Variants in KCNH7 observed in about 807,000 individuals in gnomAD.
The protein encoded by KCNH7 is potassium voltage-gated channel subfamily H member 7.
KCNH7 carries 49 observed loss-of-function variants against 120.8 expected under a neutral mutation model. That is an observed-to-expected ratio of 0.41 (90% CI 0.32 to 0.51). The LOEUF is 0.51. KCNH7 is among the 20% of genes least tolerant of loss of function. The pLI, the probability that KCNH7 is intolerant of heterozygous loss-of-function variation, is 0.38. For missense variants in KCNH7, 1,097 were observed against 1,446.6 expected (o/e 0.76, Z 3.92); for synonymous variants, 547 against 516.1 (o/e 1.06, Z -0.81).
rs1366156120 is a variant in KCNH7 at position 162,822,535 on chromosome 2, CTA to C, written c.307+14000_307+14001del. On this transcript the variant is annotated intron_variant, in intron 2 of 15. Transcript: ENST00000332142. ...AGTGTTCACAATATGAAACATTAGA[CTA>C]TGCTCCCTCCTTATCATCCCTTTCA... Among the ~76,000 whole-genome samples, 21 of 152,234 alleles carry C rather than the reference CTA, an allele frequency of 1.4e-4. No individual in the cohort carries two copies. The East Asian group carries it at 2.3e-3, about 17-fold the overall frequency.
At chr2:162,583,039 G>C (rs189595070) in intron 2 of KCNH7, among the ~76,000 whole-genome samples, 15 of 152,006 alleles carry the variant, frequency 9.9e-5, no homozygotes, top group Non-Finnish European at 8.8e-5. Flanking sequence ...ATAAACAATG[G>C]AGGCAACTTC....
chr2:162,767,354 A>G (rs751904004), intron 2 of KCNH7, among the ~76,000 whole-genome samples: 3 of 152,244 alleles, frequency 2.0e-5, no homozygotes, highest in Admixed American at 6.5e-5. Flanking sequence ...AATTTTACCA[A>G]TTTACATTTC....
At chr2:162,402,075 G>A (rs1326197090) in intron 9 of KCNH7, among the ~76,000 whole-genome samples, 2 of 151,522 alleles carry the variant, frequency 1.3e-5, no homozygotes, top group African/African-American at 2.4e-5. Context: ...GCACTCATCT[G>A]TAATCTCTCC....
chr2:162,745,906 G>A (rs1023287894), intron 2 of KCNH7, among the ~76,000 whole-genome samples: 3 of 151,750 alleles, frequency 2.0e-5, no homozygotes, highest in African/African-American at 7.3e-5. Flanking sequence ...TCAGTGTGTT[G>A]CATGCTTTTT....
chr2:162,476,979 A>G lies in KCNH7; in HGVS notation c.1128+27464T>C, dbSNP rs140479538. Among the ~76,000 whole-genome samples the G allele has an allele frequency of 9.2e-5, 14 of 152,336 alleles. No homozygotes were observed. The East Asian group carries it at 2.7e-3, about 29-fold the overall frequency. ...GTAGCCTTGGGCATCAGATTTATTT[A>G]TGTCTTAGTTACCTCAGGAATTAGG... On this transcript the variant is annotated intron_variant, in intron 6 of 15. Coordinates refer to ENST00000332142, the MANE Select transcript of KCNH7 (RefSeq NM_033272.4).
intron 2 of KCNH7, among the ~76,000 whole-genome samples, chr2:162,652,798 T>G (rs145469868): frequency 1.3e-3 from 194 of 152,328 alleles, no homozygotes; most frequent in African/African-American, 4.3e-3. Context: ...TTTGACACTT[T>G]CATAACAAAT....
intron 2 of KCNH7, among the ~76,000 whole-genome samples, chr2:162,642,162 A>C (rs1179762492): frequency 6.6e-6 from 1 of 152,154 alleles, no homozygotes; most frequent in East Asian, 1.9e-4. Flanking sequence ...TGCACAATTA[A>C]ATACTTCACA....
chr2:162,635,101 TA>T (rs1184309231), intron 2 of KCNH7, among the ~76,000 whole-genome samples: 1 of 152,096 alleles, frequency 6.6e-6, no homozygotes, highest in African/African-American at 2.4e-5. Flanking sequence ...TTGGACAGTG[TA>T]AAAAAGTTTT....
intron 6 of KCNH7, among the ~76,000 whole-genome samples, chr2:162,467,290 G>T (rs1471251009): frequency 6.6e-6 from 1 of 152,142 alleles, no homozygotes; most frequent in Non-Finnish European, 1.5e-5. Context: ...CTATAGTTTG[G>T]ATATATGATC....
At position 162,660,057 on chromosome 2, in the gene KCNH7, C is replaced by T. The variant is rs189094925; in HGVS notation, c.308-122977G>A. Among the ~76,000 whole-genome samples, 307 of 152,058 alleles carry T rather than the reference C, an allele frequency of 2.0e-3. 1 individual carries two copies. Among genetic ancestry groups the T allele is most frequent in the African/African-American group, 7.0e-3 (291 of 41,516 alleles). ...GCCTAGAGGGTTATCAATTGTATTG[C>T]TCACTTTAAAAAACCAGCTTTTTGT... is the stretch of plus-strand genomic sequence containing the variant. On this transcript the variant is annotated intron_variant, in intron 2 of 15. Transcript: ENST00000332142.
rs776649582 is a variant in KCNH7 at position 162,371,810 on chromosome 2, A to G, written c.*19T>C. ...TTAAAAGCACTTACATTGTATGTGG[A>G]GTAAATAGTACAAAATGATTATTTC... On this transcript the variant is annotated 3_prime_UTR_variant, in exon 16 of 16. Coordinates refer to ENST00000332142, the MANE Select transcript of KCNH7 (RefSeq NM_033272.4). 73 of 1,598,378 alleles carry G rather than the reference A, an allele frequency of 4.6e-5. No homozygotes were observed. Among genetic ancestry groups the G allele is most frequent in the Non-Finnish European group, 6.2e-5 (72 of 1,167,848 alleles).
intron 6 of KCNH7, among the ~76,000 whole-genome samples, chr2:162,451,983 T>C (rs1688789517): frequency 6.6e-6 from 1 of 152,118 alleles, no homozygotes. Context: ...GTTAGGGTTA[T>C]CTTGGAGACA....
At chr2:162,447,678 T>C (rs561710899) in intron 6 of KCNH7, among the ~76,000 whole-genome samples, 1 of 152,266 alleles carries the variant, frequency 6.6e-6, no homozygotes, top group South Asian at 2.1e-4. Context: ...GAGTGTTATT[T>C]CTGTGTTTTT....
chr2:162,740,377 A>C (rs1688080273), intron 2 of KCNH7, among the ~76,000 whole-genome samples: 1 of 152,176 alleles, frequency 6.6e-6, no homozygotes, highest in Non-Finnish European at 1.5e-5. Context: ...GAAAGGCCAA[A>C]GTGAGCCCAC....
chr2:162,450,067 T>C (rs1688715946), intron 6 of KCNH7, among the ~76,000 whole-genome samples: 1 of 152,066 alleles, frequency 6.6e-6, no homozygotes. Context: ...CAGAGTAGTA[T>C]TACCAACTTC....
intron 2 of KCNH7, among the ~76,000 whole-genome samples, chr2:162,696,789 G>T (rs8179642): frequency 0.028 from 4,261 of 152,242 alleles, 82 homozygotes; most frequent in East Asian, 0.11. Context: ...AAGTAAAAAT[G>T]CTTCCTCTGC....
chr2:162,748,059 A>G (rs567302314), intron 2 of KCNH7, among the ~76,000 whole-genome samples: 1 of 152,298 alleles, frequency 6.6e-6, no homozygotes, highest in East Asian at 1.9e-4. Flanking sequence ...TTTGGAGATA[A>G]ATAAGAATAT....
chr2:162,798,108 T>TA (rs1684208767), intron 2 of KCNH7: 1 of 152,060 alleles, frequency 6.6e-6, no homozygotes, highest in African/African-American at 2.4e-5. Flanking sequence ...AAAACAAAGG[T>TA]AAAAATCTAT....
At chr2:162,752,215 T>C (rs973180150) in intron 2 of KCNH7, among the ~76,000 whole-genome samples, 2 of 152,204 alleles carry the variant, frequency 1.3e-5, no homozygotes, top group Non-Finnish European at 1.5e-5. Context: ...GGTCAGAGAC[T>C]TAACTGTGGT....
Sources: gnomAD v4.1 joint callset for allele counts (sites outside exome capture counted in the v4.1 genomes callset) on GRCh38, gnomAD v4.1.1 for gene constraint, MANE v1.5 for transcripts, NCBI Gene and HGNC (gene_info 2026-07-23, HGNC 2026-07-21) for gene names.